The following IL1RAPL2 variants were observed in gnomAD, a reference collection of about 807,000 sequenced individuals.
IL1RAPL2 encodes the protein X-linked interleukin-1 receptor accessory protein-like 2.
Under a neutral mutation model 44.1 loss-of-function variants are expected in IL1RAPL2, and 3 were observed. That is an observed-to-expected ratio of 0.07 (90% CI 0.03 to 0.18). The LOEUF (loss-of-function observed/expected upper bound fraction) is 0.18, where lower values mean the gene tolerates loss of function less well. IL1RAPL2 is among the 10% of genes least tolerant of loss of function. IL1RAPL2 has a pLI of 1.00. For missense variants in IL1RAPL2, 391 were observed against 496.4 expected, an observed-to-expected ratio of 0.79 and a Z score of 2.02; for synonymous variants, 181 against 178.8, an observed-to-expected ratio of 1.01 and a Z score of -0.10.
At chrX:104,964,457 G>T (rs937716051) in intron 2 of IL1RAPL2, among the ~76,000 whole-genome samples, 1 of 108,708 alleles carries the variant, frequency 9.2e-6, no homozygotes, top group Admixed American at 9.9e-5. Flanking sequence ...GACTACAGGC[G>T]CCCGCCACCA....
intron 2 of IL1RAPL2, among the ~76,000 whole-genome samples, chrX:104,862,670 G>A (rs1034209988): frequency 9.0e-6 from 1 of 111,537 alleles, no homozygotes; most frequent in African/African-American, 3.3e-5. Context: ...TCGTTATGGT[G>A]ACCCTAACAA....
At position 105,423,786 on chromosome X, in the gene IL1RAPL2, C is replaced by T. The variant is rs187575511; in HGVS notation, c.698-60527C>T. ...TCAAACTCATCTTCCCTACTGGGAGCGAACTCAAACTCCATAAAGGAGTTA... is the reference window on the plus strand; with the variant it reads ...TCAAACTCATCTTCCCTACTGGGAGTGAACTCAAACTCCATAAAGGAGTTA... On this transcript the variant is annotated intron_variant, in intron 5 of 10. Coordinates refer to ENST00000372582, the MANE Select transcript of IL1RAPL2 (RefSeq NM_017416.2). 2.3e-3 allele frequency among the ~76,000 whole-genome samples: 250 copies of T among 108,852 alleles called. 1 individual carries two copies. In the Middle Eastern group the frequency reaches 0.028, roughly 12 times the overall value. 94.5% of individuals were successfully genotyped at this position (108,852 alleles called of 115,157 possible).
At chrX:104,909,570 C>A in intron 2 of IL1RAPL2, among the ~76,000 whole-genome samples, 1 of 111,685 alleles carries the variant, frequency 9.0e-6, no homozygotes, top group Non-Finnish European at 1.9e-5. Context: ...ACAGACAGGA[C>A]CCTCAGCTGC....
At chrX:105,465,712 AT>A (rs1371615026) in intron 5 of IL1RAPL2, among the ~76,000 whole-genome samples, 1 of 111,580 alleles carries the variant, frequency 9.0e-6, no homozygotes, top group Non-Finnish European at 1.9e-5. Flanking sequence ...GAAAATAATA[AT>A]TTTCCCACTT....
At chrX:105,145,656 CT>C (rs1168872279) in intron 2 of IL1RAPL2, among the ~76,000 whole-genome samples, 1 of 111,260 alleles carries the variant, frequency 9.0e-6, no homozygotes, top group Non-Finnish European at 1.9e-5. Flanking sequence ...GGAAGTCCCC[CT>C]CTATGTCCCT....
At chrX:104,716,172 C>A (rs1395917803) in intron 2 of IL1RAPL2, among the ~76,000 whole-genome samples, 1 of 111,214 alleles carries the variant, frequency 9.0e-6, no homozygotes, top group Admixed American at 9.5e-5. Flanking sequence ...CACAAACAAG[C>A]AATGGGGAAA....
intron 2 of IL1RAPL2, among the ~76,000 whole-genome samples, chrX:104,887,410 C>T (rs1199416429): frequency 8.9e-6 from 1 of 112,185 alleles, no homozygotes; most frequent in East Asian, 2.8e-4. Context: ...CAGTGGCATA[C>T]CTAAGTAGGG....
At chrX:105,408,116 G>A (rs2035662630) in intron 5 of IL1RAPL2, among the ~76,000 whole-genome samples, 2 of 111,918 alleles carry the variant, frequency 1.8e-5, no homozygotes, top group African/African-American at 3.2e-5. Context: ...TGGAGAATGA[G>A]GAATTTTAAA....
chrX:105,482,571 C>A (rs372149106), intron 5 of IL1RAPL2, among the ~76,000 whole-genome samples: 200 of 111,706 alleles, frequency 1.8e-3, no homozygotes, highest in African/African-American at 6.2e-3. Context: ...GCTAATGTGC[C>A]ATAAAGCTCT....
At chrX:105,035,394 A>T (rs950707776) in intron 2 of IL1RAPL2, among the ~76,000 whole-genome samples, 9 of 111,676 alleles carry the variant, frequency 8.1e-5, no homozygotes, top group African/African-American at 2.9e-4. Context: ...CCACCCTCTT[A>T]TGTTAAGTGT....
chrX:105,099,453 C>CTTTTT lies in IL1RAPL2; in HGVS notation c.83-95997_83-95993dup, dbSNP rs36063657. On this transcript the variant is annotated intron_variant, in intron 2 of 10. Coordinates refer to ENST00000372582, the MANE Select transcript of IL1RAPL2 (RefSeq NM_017416.2). ...AGACGGGTGGGAGAGGTGCCACATA[C>CTTTTT]TTTTTTTTTTTTTTTTTTTTTTTTT... Among the ~76,000 whole-genome samples the CTTTTT allele has an allele frequency of 2.2e-4, 8 of 35,833 alleles. 1 individual carries two copies. The highest frequency in any genetic ancestry group is 8.1e-4 in the Admixed American group (2 of 2,468). The allele number at this position is 35,833 out of a possible 115,157, so 31.1% of individuals were successfully genotyped here.
intron 6 of IL1RAPL2, among the ~76,000 whole-genome samples, chrX:105,512,522 T>G (rs756222640): frequency 7.1e-5 from 8 of 111,983 alleles, no homozygotes; most frequent in African/African-American, 2.6e-4. Flanking sequence ...ATTTGTGAAT[T>G]TATTTGTCTA....
At chrX:104,648,349 TA>T (rs1930086413) in intron 1 of IL1RAPL2, among the ~76,000 whole-genome samples, 1 of 112,473 alleles carries the variant, frequency 8.9e-6, no homozygotes, top group Admixed American at 9.4e-5. Flanking sequence ...TATGTGCATA[TA>T]TTTTTATGCA....
chrX:105,165,380 A>C (rs1202201915), intron 2 of IL1RAPL2, among the ~76,000 whole-genome samples: 2 of 111,391 alleles, frequency 1.8e-5, no homozygotes, highest in Non-Finnish European at 3.8e-5. Context: ...TACAAGTCTG[A>C]TCTACCTCCA....
At chrX:105,145,833 G>A (rs2033174792) in intron 2 of IL1RAPL2, among the ~76,000 whole-genome samples, 1 of 111,508 alleles carries the variant, frequency 9.0e-6, no homozygotes, top group South Asian at 3.8e-4. Flanking sequence ...GTTCTACCCT[G>A]CTATGGTTTG....
chrX:104,591,938 G>A (rs1928674045), intron 1 of IL1RAPL2, among the ~76,000 whole-genome samples: 1 of 109,845 alleles, frequency 9.1e-6, no homozygotes, highest in African/African-American at 3.3e-5. Context: ...TTCCTTTTAA[G>A]GTCTGAAGTT....
At chrX:104,598,257 T>A (rs1928807071) in intron 1 of IL1RAPL2, among the ~76,000 whole-genome samples, 1 of 111,923 alleles carries the variant, frequency 8.9e-6, no homozygotes, top group African/African-American at 3.2e-5. Context: ...TCACTTGGCT[T>A]TCTATCATGA....
intron 1 of IL1RAPL2, among the ~76,000 whole-genome samples, chrX:104,575,650 C>T (rs750554987): frequency 2.2e-4 from 25 of 111,957 alleles, no homozygotes; most frequent in Non-Finnish European, 4.1e-4. Flanking sequence ...GTGCCACTAT[C>T]GGTACAGGGA....
chrX:104,816,931 C>T (rs931873141), intron 2 of IL1RAPL2, among the ~76,000 whole-genome samples: 2 of 112,781 alleles, frequency 1.8e-5, no homozygotes, highest in Admixed American at 1.9e-4. Flanking sequence ...AAGAAATCAA[C>T]TTGCAAAAGG....
Sources: gnomAD v4.1 joint callset for allele counts (sites outside exome capture counted in the v4.1 genomes callset) on GRCh38, gnomAD v4.1.1 for gene constraint, MANE v1.5 for transcripts, NCBI Gene and HGNC (gene_info 2026-07-23, HGNC 2026-07-21) for gene names.